NPHP3: variants seen among roughly 807,000 people sequenced by gnomAD.
The protein encoded by NPHP3 is nephrocystin 3.
In NPHP3, 123 loss-of-function variants were observed where a neutral mutation model predicts 171.9. The observed-to-expected ratio is 0.72, with a 90% CI of 0.62 to 0.83. NPHP3 has a LOEUF of 0.83. Ranked by LOEUF, NPHP3 falls within the 40% of genes least tolerant of loss-of-function variation. The pLI, the probability that NPHP3 is intolerant of heterozygous loss-of-function variation, is 0.00. For synonymous variants in NPHP3, 558 were observed against 579.2 expected (o/e 0.96, Z 0.52); for missense variants, 1,506 against 1,591.9 (o/e 0.95, Z 0.92).
Position 132,682,813 on chromosome 3 carries a change from T to C in NPHP3, c.3702A>G (p.Lys1234=). The C allele has an allele frequency of 6.3e-7, 1 of 1,592,678 alleles. No homozygotes were observed. The highest frequency in any genetic ancestry group is 8.6e-7 in the Non-Finnish European group (1 of 1,160,522). ...NLAVLYSQMK[K]HVEALPLYER... ...CATATAATGGCAAAGCTTCAACGTG[T>C]TTTTTCTTATTAAAAAAAATGATAA... Residue 1234 remains lysine, a synonymous_variant, in exon 26 of 27, where the codon AAA becomes AAG. Coordinates refer to ENST00000337331, the MANE Select transcript of NPHP3 (RefSeq NM_153240.5).
chr3:132,696,117 A>G lies in NPHP3; in HGVS notation c.2171+614T>C, dbSNP rs563528886. Among the ~76,000 whole-genome samples, 4 of 145,290 alleles carry G rather than the reference A, an allele frequency of 2.8e-5. No individual in the cohort carries two copies. The East Asian group carries it at 6.0e-4, about 22-fold the overall frequency. On this transcript the variant is annotated intron_variant, in intron 15 of 26. Transcript: ENST00000337331. ...GCAATGAATAACAAAAAATGTATTA[A>G]TCTTTTTTTTTTTTACCTCAGATTG...
Position 132,722,296 on chromosome 3 carries a change from G to C in NPHP3, c.60C>G (p.Tyr20Ter), listed in dbSNP as rs773521620. 25 of 1,579,752 alleles carry C rather than the reference G, an allele frequency of 1.6e-5. No homozygotes were observed. Among genetic ancestry groups the C allele is most frequent in the Non-Finnish European group, 2.0e-5 (23 of 1,171,984 alleles). Residue 20 changes from tyrosine to a stop codon, truncating the protein, a stop_gained, in exon 1 of 27, where the codon TAC (tyrosine) becomes TAG (stop). Coordinates refer to ENST00000337331, the MANE Select transcript of NPHP3 (RefSeq NM_153240.5). LOFTEE classifies it high-confidence loss of function. ...PAGGEVIEDTYGAGGGEACEI... is the reference protein window; with the variant it reads ...PAGGEVIEDT ...CGCAGGCCTCGCCGCCGCCCGCCCC[G>C]TACGTGTCCTCGATCACTTCCCCGC... is the stretch of plus-strand genomic sequence containing the variant.
chr3:132,716,511 A>C (rs1560015963), intron 4 of NPHP3, among the ~76,000 whole-genome samples: 2 of 152,204 alleles, frequency 1.3e-5, no homozygotes, highest in African/African-American at 4.8e-5. Context: ...GAGAATTCAG[A>C]CCATAACACA....
intron 6 of NPHP3, among the ~76,000 whole-genome samples, chr3:132,711,662 G>A (rs1939912448): frequency 6.6e-6 from 1 of 151,708 alleles, no homozygotes; most frequent in Admixed American, 6.6e-5. Context: ...TCAAAGATAA[G>A]AATTAGAAAA....
chr3:132,695,264 T>C (rs1939423822), intron 15 of NPHP3: 3 of 298,282 alleles, frequency 1.0e-5, no homozygotes, highest in South Asian at 7.4e-5. Flanking sequence ...TCCAGAAGCA[T>C]GCCACCTACA....
At chr3:132,721,767 G>T in intron 1 of NPHP3, 196 bp downstream of exon 1, 1 of 776,300 alleles carries the variant, frequency 1.3e-6, no homozygotes, top group Non-Finnish European at 2.2e-6. Flanking sequence ...TGCCACCGCA[G>T]CGAGACCCTG....
chr3:132,715,301 G>C, intron 4 of NPHP3, 83 bp from the exon 5 acceptor site: 2 of 1,140,166 alleles, frequency 1.8e-6, no homozygotes, highest in South Asian at 2.5e-5. Flanking sequence ...AACATAACAG[G>C]CATCATAGAA....
intron 13 of NPHP3, 40 bp downstream of exon 13, chr3:132,699,313 C>A (rs767775318): frequency 7.3e-7 from 1 of 1,364,208 alleles, no homozygotes; most frequent in Non-Finnish European, 1.0e-6. Context: ...GTACTTAAAA[C>A]ATTTCATGTA....
chr3:132,695,035 A>G, intron 15 of NPHP3, 70 bp from the exon 16 acceptor site: 1 of 1,461,962 alleles, frequency 6.8e-7, no homozygotes, highest in Non-Finnish European at 9.6e-7. Flanking sequence ...GAGATCGATT[A>G]AAAACAACGT....
intron 9 of NPHP3, among the ~76,000 whole-genome samples, chr3:132,701,841 T>C (rs1389851964): frequency 6.6e-6 from 1 of 151,956 alleles, no homozygotes; most frequent in Non-Finnish European, 1.5e-5. Flanking sequence ...GCTAACACGG[T>C]GAAATCCTGT....
intron 14 of NPHP3, among the ~76,000 whole-genome samples, chr3:132,697,051 T>C (rs1202330760): frequency 6.6e-6 from 1 of 152,264 alleles, no homozygotes; most frequent in Non-Finnish European, 1.5e-5. Context: ...CTTAATATTA[T>C]ATACTAAAGT....
chr3:132,711,785 G>A (rs886230322), intron 6 of NPHP3, among the ~76,000 whole-genome samples: 5 of 152,158 alleles, frequency 3.3e-5, no homozygotes, highest in Admixed American at 6.5e-5. Context: ...AAAGAAAAGG[G>A]AAGGGGTGGA....
chr3:132,713,816 T>G (rs1484184600), intron 5 of NPHP3, among the ~76,000 whole-genome samples: 1 of 152,230 alleles, frequency 6.6e-6, no homozygotes, highest in Non-Finnish European at 1.5e-5. Context: ...ACATTTTCAA[T>G]TACTGGATGG....
chr3:132,681,258 C>CTTTTTTT lies in NPHP3; in HGVS notation c.*645_*651dup, dbSNP rs886058000. ...GAGAGCTCAAAAGAATCATGGAATTCTTTTTTTTTTTTTTTTTTTTTTTGA... is the reference window on the plus strand; with the variant it reads ...GAGAGCTCAAAAGAATCATGGAATTCTTTTTTTTTTTTTTTTTTTTTTTTTTTTTTGA... On this transcript the variant is annotated 3_prime_UTR_variant, in exon 27 of 27. Coordinates refer to ENST00000337331, the MANE Select transcript of NPHP3 (RefSeq NM_153240.5). The CTTTTTTT allele has an allele frequency of 2.8e-5, 3 of 105,658 alleles. No individual in the cohort carries two copies. Among genetic ancestry groups the CTTTTTTT allele is most frequent in the African/African-American group, 3.6e-5 (1 of 27,612 alleles). 6.5% of individuals were successfully genotyped at this position (105,658 alleles called of 1,614,324 possible). A position where few individuals can be genotyped will look rare whatever the true frequency, so the allele number is the denominator to read the frequency against.
At chr3:132,684,937 C>A (rs1939118055) in intron 23 of NPHP3, 143 bp from the exon 24 acceptor site, 1 of 959,344 alleles carries the variant, frequency 1.0e-6, no homozygotes, top group Non-Finnish European at 1.6e-6. Context: ...TCTTACTTTC[C>A]CCCTCTTCCC....
intron 25 of NPHP3, 52 bp downstream of exon 25, chr3:132,683,347 T>G (rs955090490): frequency 5.2e-6 from 8 of 1,526,944 alleles, no homozygotes; most frequent in Non-Finnish European, 6.3e-6. Flanking sequence ...TTTACCTATG[T>G]TTTATACCAT....
intron 3 of NPHP3, chr3:132,717,144 TAAAC>T (rs1299718781): frequency 1.5e-5 from 7 of 471,910 alleles, no homozygotes; most frequent in East Asian, 7.6e-5. Context: ...AAGATGAAAA[TAAAC>T]AAGAATACAA....
chr3:132,692,869 C>G, intron 16 of NPHP3, 51 bp from the exon 17 acceptor site: 2 of 1,470,274 alleles, frequency 1.4e-6, no homozygotes, highest in Non-Finnish European at 1.9e-6. Context: ...GTATAAGTAA[C>G]TAACGGCCAT....
chr3:132,706,170 T>C (rs530553604), intron 7 of NPHP3, among the ~76,000 whole-genome samples: 7 of 151,872 alleles, frequency 4.6e-5, no homozygotes, highest in East Asian at 1.9e-4. Context: ...CCATCCTGGC[T>C]AACATGGTGA....
Sources: gnomAD v4.1 joint callset for allele counts (sites outside exome capture counted in the v4.1 genomes callset) on GRCh38, gnomAD v4.1.1 for gene constraint, MANE v1.5 for transcripts, NCBI Gene and HGNC (gene_info 2026-07-23, HGNC 2026-07-21) for gene names.